ADAMTSL3: variants seen among roughly 807,000 people sequenced by gnomAD.
ADAMTSL3 encodes the protein ADAMTS-like protein 3.
Under a neutral mutation model 201.7 loss-of-function variants are expected in ADAMTSL3, and 128 were observed. The ratio of observed to expected loss-of-function variants is 0.63; its 90% CI spans 0.55 to 0.73. ADAMTSL3 has a LOEUF of 0.73. Among genes scored for constraint, ADAMTSL3 ranks in the 30% least tolerant of loss-of-function variants. The pLI is 0.00. For synonymous variants in ADAMTSL3, 738 were observed against 748.4 expected, an observed-to-expected ratio of 0.99 and a Z score of 0.23; for missense variants, 1,990 against 2,119.6, an observed-to-expected ratio of 0.94 and a Z score of 1.20.
At chr15:83,841,666 G>A (rs2064376743) in intron 7 of ADAMTSL3, among the ~76,000 whole-genome samples, 1 of 152,048 alleles carries the variant, frequency 6.6e-6, no homozygotes, top group South Asian at 2.1e-4. Flanking sequence ...GGGAGGGGGG[G>A]CAGGAAATTG....
At chr15:83,973,454 T>TTTCAAGTGA (rs2067230177) in intron 20 of ADAMTSL3, among the ~76,000 whole-genome samples, 1 of 152,306 alleles carries the variant, frequency 6.6e-6, no homozygotes, top group African/African-American at 2.4e-5. Flanking sequence ...TGGTATTACC[T>TTTCAAGTGA]TTCAAGTGAT....
At chr15:83,790,276 A>G (rs901546449) in intron 4 of ADAMTSL3, among the ~76,000 whole-genome samples, 4 of 147,966 alleles carry the variant, frequency 2.7e-5, no homozygotes, top group African/African-American at 1.0e-4. Flanking sequence ...CAAAGACTAT[A>G]TAAAGAAGAA....
intron 23 of ADAMTSL3, among the ~76,000 whole-genome samples, chr15:84,007,120 A>G (rs938094769): frequency 3.3e-5 from 5 of 152,100 alleles, no homozygotes; most frequent in Non-Finnish European, 1.5e-5. Flanking sequence ...TTCATTTCAA[A>G]CTTCCTATTT....
At chr15:83,757,713 A>AT (rs755409863) in intron 3 of ADAMTSL3, among the ~76,000 whole-genome samples, 113 of 152,204 alleles carry the variant, frequency 7.4e-4, no homozygotes, top group Non-Finnish European at 1.4e-3. Context: ...CAGGTTGCAA[A>AT]TTTTCTGAAC....
In ADAMTSL3 at chr15:83,972,399, C is replaced by G. The variant is rs1271821262; in HGVS notation, c.2644+1762C>G. Reference sequence around the variant, plus strand: ...TACTATCATGCTTCGTTCAAGTTGCCTCTCTATCTGATTTTTATTAATTGC... The same window carrying G: ...TACTATCATGCTTCGTTCAAGTTGCGTCTCTATCTGATTTTTATTAATTGC... On this transcript the variant is annotated intron_variant, in intron 20 of 29. Transcript: ENST00000286744. 2.6e-5 allele frequency among the ~76,000 whole-genome samples: 4 copies of G among 152,242 alleles called. No homozygotes were observed. The South Asian group carries it at 6.2e-4, about 24-fold the overall frequency.
intron 4 of ADAMTSL3, among the ~76,000 whole-genome samples, chr15:83,794,045 T>C (rs2063384392): frequency 6.6e-6 from 1 of 152,100 alleles, no homozygotes; most frequent in South Asian, 2.1e-4. Context: ...AGATGGCAAA[T>C]AAGCACACAA....
intron 23 of ADAMTSL3, among the ~76,000 whole-genome samples, chr15:84,003,647 G>A (rs78189883): frequency 0.026 from 3,933 of 152,144 alleles, 171 homozygotes; most frequent in African/African-American, 0.086. Context: ...AAAAGTGAAG[G>A]GTTTTGAATG....
chr15:83,705,985 T>C (rs9788762), intron 3 of ADAMTSL3, among the ~76,000 whole-genome samples: 14,550 of 152,252 alleles, frequency 0.096, 848 homozygotes, highest in East Asian at 0.27. Flanking sequence ...TATATTTGCA[T>C]TGTAGAGCCC....
intron 19 of ADAMTSL3, 45 bp downstream of exon 19, chr15:83,943,127 C>G: frequency 6.5e-6 from 10 of 1,547,870 alleles, no homozygotes; most frequent in Non-Finnish European, 8.7e-6. Flanking sequence ...TTCTGCCCCT[C>G]CTTTGTTTCA....
At chr15:83,711,333 A>G (rs901030399) in intron 3 of ADAMTSL3, among the ~76,000 whole-genome samples, 2 of 152,202 alleles carry the variant, frequency 1.3e-5, no homozygotes, top group African/African-American at 4.8e-5. Flanking sequence ...AGTATATACC[A>G]ACTTCTGAAA....
At chr15:83,814,257 C>T (rs972781902) in intron 5 of ADAMTSL3, among the ~76,000 whole-genome samples, 2 of 152,098 alleles carry the variant, frequency 1.3e-5, no homozygotes, top group Admixed American at 6.5e-5. Context: ...CAAGAGTCAC[C>T]CCCTCTCATG....
intron 3 of ADAMTSL3, among the ~76,000 whole-genome samples, chr15:83,723,326 A>G (rs2062127734): frequency 2.0e-5 from 3 of 152,196 alleles, no homozygotes; most frequent in African/African-American, 7.2e-5. Context: ...ATGGGCAGAG[A>G]TCAAGTTTAT....
intron 6 of ADAMTSL3, among the ~76,000 whole-genome samples, chr15:83,825,409 G>A (rs916530650): frequency 1.3e-5 from 2 of 152,072 alleles, no homozygotes; most frequent in Non-Finnish European, 2.9e-5. Flanking sequence ...CTAGGAGTTC[G>A]AGACCAGCCT....
chr15:83,805,365 C>T (rs2141866453), intron 5 of ADAMTSL3, among the ~76,000 whole-genome samples: 1 of 152,180 alleles, frequency 6.6e-6, no homozygotes, highest in African/African-American at 2.4e-5. Flanking sequence ...CGAGACCAAC[C>T]TGGCCAATGT....
intron 10 of ADAMTSL3, among the ~76,000 whole-genome samples, chr15:83,885,993 G>A (rs1679921565): frequency 6.6e-6 from 1 of 152,110 alleles, no homozygotes; most frequent in African/African-American, 2.4e-5. Context: ...CAAAGTGCTG[G>A]GATTACAGGC....
intron 23 of ADAMTSL3, among the ~76,000 whole-genome samples, chr15:84,010,376 T>C (rs2067985056): frequency 6.6e-6 from 1 of 152,234 alleles, no homozygotes; most frequent in African/African-American, 2.4e-5. Flanking sequence ...CAGTGCTTTA[T>C]TATCTTTGCT....
chr15:83,672,711 T>A, intron 2 of ADAMTSL3, among the ~76,000 whole-genome samples: 1 of 152,232 alleles, frequency 6.6e-6, no homozygotes, highest in East Asian at 1.9e-4. Context: ...CACTTCACAC[T>A]TAGAATGCAG....
intron 15 of ADAMTSL3, among the ~76,000 whole-genome samples, chr15:83,903,039 C>T (rs533028753): frequency 2.7e-3 from 410 of 152,204 alleles, no homozygotes; most frequent in Non-Finnish European, 4.7e-3. Flanking sequence ...GACAGCACAT[C>T]ATTTCATTCA....
At chr15:83,909,949 C>A (rs1300263354) in intron 15 of ADAMTSL3, among the ~76,000 whole-genome samples, 3 of 152,124 alleles carry the variant, frequency 2.0e-5, no homozygotes, top group Non-Finnish European at 4.4e-5. Context: ...CCCCTCAAAC[C>A]CCAGTCCCAC....
Sources: gnomAD v4.1 joint callset for allele counts (sites outside exome capture counted in the v4.1 genomes callset) on GRCh38, gnomAD v4.1.1 for gene constraint, MANE v1.5 for transcripts, NCBI Gene and HGNC (gene_info 2026-07-23, HGNC 2026-07-21) for gene names.